Variants in ZMYM1 observed in about 807,000 individuals in gnomAD.
The protein encoded by ZMYM1 is zinc finger MYM-type protein 1.
Under a neutral mutation model 60.0 loss-of-function variants are expected in ZMYM1, and 39 were observed. The observed-to-expected ratio is 0.65, with a 90% CI of 0.50 to 0.85. ZMYM1 has a LOEUF of 0.85. ZMYM1 is among the 40% of genes least tolerant of loss of function. The pLI is 0.00. For missense variants in ZMYM1, 1,171 were observed against 1,309.5 expected, an observed-to-expected ratio of 0.89 and a Z score of 1.63; for synonymous variants, 413 against 454.0, an observed-to-expected ratio of 0.91 and a Z score of 1.15.
upstream of ZMYM1, among the ~76,000 whole-genome samples, chr1:35,074,390 C>CTAAA (rs1391527057): frequency 6.6e-6 from 1 of 152,006 alleles, no homozygotes; most frequent in Non-Finnish European, 1.5e-5. Flanking sequence ...CATGGTGTAG[C>CTAAA]TAAAGTCTGA....
chr1:35,100,710 A>G (rs901508261), intron 4 of ZMYM1, among the ~76,000 whole-genome samples: 4 of 152,058 alleles, frequency 2.6e-5, no homozygotes, highest in Non-Finnish European at 4.4e-5. Flanking sequence ...GTTGGAACCA[A>G]CCGCAAATCC....
Position 35,113,725 on chromosome 1 carries a change from A to G in ZMYM1, c.1895A>G (p.Asp632Gly). ...IEIIKTEMLQ[D>G]IVNEINDSSA... is the part of the protein sequence containing the mutation. ...ATAATAAAGACTGAAATGTTGCAGGATATTGTGAATGAGATCAATGACTCC... is the reference window on the plus strand; with the variant it reads ...ATAATAAAGACTGAAATGTTGCAGGGTATTGTGAATGAGATCAATGACTCC... The change falls in exon 10 of 10, where the codon GAT becomes GGT. Residue 632 changes from aspartate to glycine, a missense_variant. Coordinates refer to ENST00000359858, the MANE Select transcript of ZMYM1 (RefSeq NM_024772.5). 6.2e-7 allele frequency: 1 copy of G among 1,613,950 alleles called. No individual in the cohort carries two copies. The highest frequency in any genetic ancestry group is 8.5e-7 in the Non-Finnish European group (1 of 1,179,882).
At chr1:35,101,559 T>C (rs1233792219) in intron 4 of ZMYM1, among the ~76,000 whole-genome samples, 2 of 150,944 alleles carry the variant, frequency 1.3e-5, no homozygotes, top group Non-Finnish European at 2.9e-5. Context: ...GGTATCTTTA[T>C]TCTGTCTGAA....
chr1:35,095,959 A>G (rs1208181555), intron 3 of ZMYM1, 68 bp downstream of exon 3: 11 of 1,160,596 alleles, frequency 9.5e-6, no homozygotes, highest in African/African-American at 6.1e-5. Context: ...TTCTTTTTTA[A>G]TGCCTTTGAA....
At chr1:35,105,731 G>A (rs901023900) in intron 6 of ZMYM1, among the ~76,000 whole-genome samples, 2 of 151,478 alleles carry the variant, frequency 1.3e-5, no homozygotes, top group Non-Finnish European at 1.5e-5. Context: ...TCAGCGTCCC[G>A]AGTAGCTGGA....
Position 35,114,377 on chromosome 1 carries a change from G to C in ZMYM1, c.2547G>C (p.Leu849Phe). The C allele has an allele frequency of 6.2e-7, 1 of 1,613,006 alleles. No homozygotes were observed. Among genetic ancestry groups the C allele is most frequent in the Non-Finnish European group, 8.5e-7 (1 of 1,179,350 alleles). Reference protein sequence around the residue: ...NTSFADELSHLLTLVSKFEFV... With the variant: ...NTSFADELSHFLTLVSKFEFV... ...GTTTCGCCGATGAATTGAGTCATTT[G>C]CTGACATTGGTTTCCAAATTTGAAT... The change falls in exon 10 of 10, where the codon TTG becomes TTC. Residue 849 changes from leucine to phenylalanine, a missense_variant. Physicochemically the swap from Leu to Phe is conservative, Grantham distance 22. Coordinates refer to ENST00000359858, the MANE Select transcript of ZMYM1 (RefSeq NM_024772.5).
chr1:35,087,173 G>A (rs889026054), intron 1 of ZMYM1, among the ~76,000 whole-genome samples: 2 of 150,766 alleles, frequency 1.3e-5, no homozygotes, highest in African/African-American at 4.9e-5. Flanking sequence ...TGAATTTTGA[G>A]TAGAGATGGG....
intron 1 of ZMYM1, among the ~76,000 whole-genome samples, chr1:35,070,685 T>G (rs1288533609): frequency 6.6e-6 from 1 of 152,170 alleles, no homozygotes; most frequent in African/African-American, 2.4e-5. Flanking sequence ...CTTCTTCCTG[T>G]TCTTACAAGA....
downstream of ZMYM1, among the ~76,000 whole-genome samples, chr1:35,116,193 C>G (rs1644247258): frequency 6.6e-6 from 1 of 152,114 alleles, no homozygotes. Flanking sequence ...CATGATTGCA[C>G]CACTATGCTC....
chr1:35,098,332 G>A (rs1431420906), intron 4 of ZMYM1, among the ~76,000 whole-genome samples: 1 of 152,150 alleles, frequency 6.6e-6, no homozygotes, highest in Non-Finnish European at 1.5e-5. Flanking sequence ...GTGAGAATGT[G>A]TGAAGAATCA....
At chr1:35,091,091 A>C (rs1642972432) in intron 1 of ZMYM1, among the ~76,000 whole-genome samples, 1 of 151,958 alleles carries the variant, frequency 6.6e-6, no homozygotes. Context: ...AAAAAAAGGA[A>C]TATCTGTAAA....
intron 3 of ZMYM1, 123 bp downstream of exon 3, chr1:35,096,014 T>C: frequency 1.4e-6 from 1 of 735,578 alleles, no homozygotes; most frequent in Non-Finnish European, 2.3e-6. Flanking sequence ...AGAAGTAACC[T>C]GTAAGAAAAT....
In ZMYM1 at chr1:35,113,490, C is replaced by T. The variant is rs569022001; in HGVS notation, c.1660C>T (p.Leu554=). The T allele has an allele frequency of 5.6e-6, 9 of 1,610,872 alleles. No homozygotes were observed. In the South Asian group the frequency reaches 1.0e-4, roughly 18 times the overall value. The change falls in exon 10 of 10, where the codon CTA becomes TTA. Residue 554 remains leucine (L), a synonymous_variant. Transcript: ENST00000359858. The part of the protein sequence containing the change: ...SKQIEGNKKY[L]KLIIENILFL... ...ACAGATTGAGGGAAATAAAAAGTAC[C>T]TAAAGCTTATAATTGAAAATATTTT... is the stretch of plus-strand genomic sequence containing the variant.
chr1:35,104,994 A>G (rs1300719820), intron 6 of ZMYM1, among the ~76,000 whole-genome samples: 4 of 152,228 alleles, frequency 2.6e-5, no homozygotes, highest in Non-Finnish European at 4.4e-5. Context: ...CCTTAAAGAA[A>G]AGGCAGGCAG....
chr1:35,068,567 T>G (rs1163701800), intron 1 of ZMYM1, among the ~76,000 whole-genome samples: 1 of 148,848 alleles, frequency 6.7e-6, no homozygotes, highest in Non-Finnish European at 1.5e-5. Context: ...TTGACAAAGG[T>G]AAAAGGGAAA....
intron 1 of ZMYM1, among the ~76,000 whole-genome samples, chr1:35,074,151 T>A (rs1226364279): frequency 2.0e-5 from 3 of 152,196 alleles, no homozygotes; most frequent in Non-Finnish European, 4.4e-5. Flanking sequence ...CAGGATCATC[T>A]TGTTTACTTT....
intron 1 of ZMYM1, among the ~76,000 whole-genome samples, chr1:35,061,555 T>A (rs1641875660): frequency 6.6e-6 from 1 of 151,898 alleles, no homozygotes; most frequent in Admixed American, 6.6e-5. Flanking sequence ...GGCAGGCAGA[T>A]CACAAGGTCA....
At chr1:35,101,893 C>T (rs2148537431) in intron 4 of ZMYM1, among the ~76,000 whole-genome samples, 1 of 152,202 alleles carries the variant, frequency 6.6e-6, no homozygotes, top group Non-Finnish European at 1.5e-5. Flanking sequence ...TTTCTGGTCT[C>T]AGGACTTCTT....
At chr1:35,087,619 G>C (rs1642729521) in intron 1 of ZMYM1, among the ~76,000 whole-genome samples, 1 of 151,626 alleles carries the variant, frequency 6.6e-6, no homozygotes, top group African/African-American at 2.4e-5. Flanking sequence ...GTAGAGACAG[G>C]GTTTCTCCAT....
Sources: allele counts gnomAD v4.1 joint callset (sites outside exome capture counted in the v4.1 genomes callset), GRCh38; gene constraint gnomAD v4.1.1; transcripts MANE v1.5; gene names NCBI Gene and HGNC (gene_info 2026-07-23, HGNC 2026-07-21).